Variants in CDKL2 observed in about 807,000 individuals in gnomAD.
CDKL2 encodes the protein cyclin-dependent kinase-like 2.
CDKL2 carries 64 observed loss-of-function variants against 63.9 expected under a neutral mutation model. That is an observed-to-expected ratio of 1.00 (90% CI 0.82 to 1.23). CDKL2 has a LOEUF of 1.23. Among genes scored for constraint, CDKL2 ranks in the 50% most tolerant of loss-of-function variants. The probability of loss-of-function intolerance (pLI) is 0.00; values close to 1 mark genes in which losing one functional copy is unlikely to be tolerated. For synonymous variants in CDKL2, 211 were observed against 229.2 expected (o/e 0.92, Z 0.72); for missense variants, 656 against 668.0 (o/e 0.98, Z 0.20).
chr4:75,590,694 G>A (rs1484489019), intron 12 of CDKL2, among the ~76,000 whole-genome samples: 1 of 152,058 alleles, frequency 6.6e-6, no homozygotes, highest in East Asian at 1.9e-4. Context: ...CAGCCTGGGC[G>A]ACAGAGTGAG....
At chr4:75,605,665 G>A in intron 4 of CDKL2, 31 bp from the exon 5 acceptor site, 1 of 1,475,374 alleles carries the variant, frequency 6.8e-7, no homozygotes, top group Non-Finnish European at 9.5e-7. Flanking sequence ...TGTAAAATCT[G>A]GCATCCTAAT....
intron 2 of CDKL2, among the ~76,000 whole-genome samples, chr4:75,624,547 T>A (rs1418400818): frequency 6.8e-6 from 1 of 147,308 alleles, no homozygotes; most frequent in African/African-American, 2.5e-5. Flanking sequence ...CAAGACCCTG[T>A]CTCAAAAAAA....
At chr4:75,586,296 G>A (rs1235502858) in intron 12 of CDKL2, among the ~76,000 whole-genome samples, 1 of 151,162 alleles carries the variant, frequency 6.6e-6, no homozygotes, top group Non-Finnish European at 1.5e-5. Context: ...CACCATCTTG[G>A]CTCACTGCAA....
intron 12 of CDKL2, among the ~76,000 whole-genome samples, chr4:75,583,084 G>A (rs995974582): frequency 4.6e-5 from 7 of 152,110 alleles, no homozygotes; most frequent in African/African-American, 1.4e-4. Flanking sequence ...TAATACCAGA[G>A]GAAAATCTAG....
At chr4:75,586,549 A>G (rs923825577) in intron 12 of CDKL2, among the ~76,000 whole-genome samples, 1 of 152,118 alleles carries the variant, frequency 6.6e-6, no homozygotes, top group East Asian at 1.9e-4. Context: ...CTTAATGTTA[A>G]AACATGACAA....
chr4:75,612,697 AT>A (rs2148898993), intron 3 of CDKL2, among the ~76,000 whole-genome samples: 1 of 152,348 alleles, frequency 6.6e-6, no homozygotes, highest in East Asian at 1.9e-4. Flanking sequence ...CATTATTGTT[AT>A]TCTACTTTAT....
intron 6 of CDKL2, among the ~76,000 whole-genome samples, chr4:75,602,830 T>G (rs1405191549): frequency 6.6e-6 from 1 of 152,114 alleles, no homozygotes; most frequent in Non-Finnish European, 1.5e-5. Flanking sequence ...AGACCCTTTT[T>G]ATTTTCTTAT....
chr4:75,600,823 G>A (rs190434600), intron 6 of CDKL2, among the ~76,000 whole-genome samples: 14 of 152,252 alleles, frequency 9.2e-5, no homozygotes, highest in Middle Eastern at 3.4e-3. Context: ...GACAATGACC[G>A]TCAGTGGTTG....
chr4:75,593,939 G>GCATT (rs1578322344), intron 10 of CDKL2, among the ~76,000 whole-genome samples: 1 of 152,028 alleles, frequency 6.6e-6, no homozygotes, highest in East Asian at 1.9e-4. Flanking sequence ...GTTGTGAAAA[G>GCATT]CATTCATTCA....
At chr4:75,611,482 A>G (rs1001710932) in intron 3 of CDKL2, among the ~76,000 whole-genome samples, 1 of 142,080 alleles carries the variant, frequency 7.0e-6, no homozygotes, top group Non-Finnish European at 1.5e-5. Context: ...AAAAAAAAAG[A>G]GTAAATGGAC....
In CDKL2 at chr4:75,598,226, T is replaced by A. The variant is rs992595147; in HGVS notation, c.885-14A>T. 7.5e-7 allele frequency: 1 copy of A among 1,334,930 alleles called. No individual in the cohort carries two copies. The highest frequency in any genetic ancestry group is 1.5e-5 in the African/African-American group (1 of 65,820). 82.7% of individuals were successfully genotyped at this position (1,334,930 alleles called of 1,614,324 possible). ...TCTTGGGAAAACCTACATAAAAATA[T>A]AATAAAATAAAATTGTAAGACATGG... On this transcript the variant is annotated splice_polypyrimidine_tract_variant and intron_variant, in intron 7 of 13. Transcript: ENST00000307465.
chr4:75,602,182 GT>G (rs1370611208), intron 6 of CDKL2, among the ~76,000 whole-genome samples: 1 of 150,408 alleles, frequency 6.6e-6, no homozygotes, highest in Non-Finnish European at 1.5e-5. Flanking sequence ...TGTTGTTGTT[GT>G]TTGTTTGTTT....
chr4:75,608,864 C>T (rs573534369), intron 3 of CDKL2, among the ~76,000 whole-genome samples: 1 of 152,148 alleles, frequency 6.6e-6, no homozygotes, highest in African/African-American at 2.4e-5. Flanking sequence ...CGTGCTGGCA[C>T]GCGCTTGTAA....
At position 75,596,984 on chromosome 4, in the gene CDKL2, T is replaced by C; in HGVS notation, c.1273A>G (p.Ser425Gly). ...TCAGTCCCCATTCCAGAATTAATGC[T>C]GGGAGCAACTGCAGAAAGATTGTGT... ...LTHNLSAVAP[S>G]INSGMGTETI... is the part of the protein sequence containing the mutation. The change falls in exon 9 of 14, where the codon AGC becomes GGC. Residue 425 changes from serine (S) to glycine (G), a missense_variant. Physicochemically the swap from Ser to Gly is moderately conservative, Grantham distance 56. Transcript: ENST00000307465. 1 of 1,614,214 alleles carries C rather than the reference T, an allele frequency of 6.2e-7. No individual in the cohort carries two copies. Among genetic ancestry groups the C allele is most frequent in the Non-Finnish European group, 8.5e-7 (1 of 1,180,014 alleles).
chr4:75,598,841 C>T (rs1452137322), intron 7 of CDKL2, among the ~76,000 whole-genome samples: 1 of 152,078 alleles, frequency 6.6e-6, no homozygotes, highest in East Asian at 1.9e-4. Flanking sequence ...GACAGAAAAA[C>T]TATGGTTATT....
At chr4:75,584,407 C>T (rs748465090) in intron 12 of CDKL2, among the ~76,000 whole-genome samples, 17 of 152,180 alleles carry the variant, frequency 1.1e-4, no homozygotes, top group Admixed American at 1.3e-4. Context: ...ATTAGCCCAA[C>T]AACCCAAGTG....
At chr4:75,625,727 A>T in intron 2 of CDKL2, 94 bp downstream of exon 2, 2 of 842,678 alleles carry the variant, frequency 2.4e-6, no homozygotes, top group Non-Finnish European at 1.8e-6. Flanking sequence ...TCACCAGATA[A>T]ATGAATTTGC....
At chr4:75,627,156 T>C (rs1730457553) in intron 1 of CDKL2, among the ~76,000 whole-genome samples, 1 of 150,400 alleles carries the variant, frequency 6.6e-6, no homozygotes, top group Non-Finnish European at 1.5e-5. Flanking sequence ...TGAGCCAAGA[T>C]AGCACTATTG....
At chr4:75,592,073 T>C in intron 11 of CDKL2, 73 bp downstream of exon 11, 1 of 1,417,914 alleles carries the variant, frequency 7.1e-7, no homozygotes, top group Non-Finnish European at 9.3e-7. Context: ...GAATTTTTAT[T>C]TTTAAATTCT....
Sources: gnomAD v4.1 joint callset for allele counts (sites outside exome capture counted in the v4.1 genomes callset) on GRCh38, gnomAD v4.1.1 for gene constraint, MANE v1.5 for transcripts, NCBI Gene and HGNC (gene_info 2026-07-23, HGNC 2026-07-21) for gene names.